PTK7: variants seen among roughly 807,000 people sequenced by gnomAD.
The protein encoded by PTK7 is inactive tyrosine-protein kinase 7.
PTK7 carries 39 observed loss-of-function variants against 116.6 expected under a neutral mutation model. The observed-to-expected ratio is 0.33, with a 90% confidence interval of 0.26 to 0.44. The LOEUF (loss-of-function observed/expected upper bound fraction) is 0.44. PTK7 is among the 20% of genes least tolerant of loss of function. PTK7 has a pLI of 1.00. For synonymous variants in PTK7, 546 were observed against 563.6 expected (o/e 0.97, Z 0.44); for missense variants, 1,169 against 1,425.6 (o/e 0.82, Z 2.90).
intron 1 of PTK7, among the ~76,000 whole-genome samples, chr6:43,084,674 G>A (rs1415041955): frequency 2.0e-5 from 3 of 152,240 alleles, no homozygotes; most frequent in Non-Finnish European, 4.4e-5. Flanking sequence ...AGACAAGATG[G>A]AGAAACGTGA....
In PTK7 at chr6:43,144,522, G is replaced by A. The variant is rs750381359; in HGVS notation, c.2323G>A (p.Gly775Ser). The A allele has an allele frequency of 1.8e-5, 29 of 1,614,036 alleles. No individual in the cohort carries two copies. The highest frequency in any genetic ancestry group is 4.4e-5 in the South Asian group (4 of 91,080). Residue 775 changes from glycine to serine, a missense_variant, in exon 15 of 20, where the codon GGC (glycine) becomes AGC (serine). Physicochemically the swap from Gly to Ser is moderately conservative, Grantham distance 56. Around this residue, in one of 3 missense-constraint regions of PTK7, gnomAD observed 678 missense variants for 853.8 expected, o/e 0.79. Transcript: ENST00000230419. Reference protein sequence around the residue: ...EEVALTSLGSGPAATNKRHST... With the variant: ...EEVALTSLGSSPAATNKRHST... The stretch of plus-strand genomic sequence containing the variant: ...AGTGGCCTTGACCAGCTTGGGCTCC[G>A]GCCCCGCGGCCACCAACAAACGCCA...
At chr6:43,126,963 C>T (rs1300684012) in intron 1 of PTK7, among the ~76,000 whole-genome samples, 1 of 152,180 alleles carries the variant, frequency 6.6e-6, no homozygotes, top group African/African-American at 2.4e-5. Context: ...GGGCTGGCAC[C>T]TATGAGCATG....
At chr6:43,118,950 G>C (rs1436017663) in intron 1 of PTK7, among the ~76,000 whole-genome samples, 1 of 151,358 alleles carries the variant, frequency 6.6e-6, no homozygotes, top group African/African-American at 2.4e-5. Flanking sequence ...TTGTAGAGAT[G>C]GGGTTTCATT....
In PTK7 at chr6:43,142,042, G is replaced by A; in HGVS notation, c.1880G>A (p.Gly627Asp). ...CCCAAGCCGCTGATTCAGTGGAAAG[G>A]CAAGGACCGCATCCTGGACCCCACC... is the stretch of plus-strand genomic sequence containing the variant. ...GDPKPLIQWK[G>D]KDRILDPTKL... is the part of the protein sequence containing the mutation. The change falls in exon 12 of 20, where the codon GGC (glycine) becomes GAC (aspartate). Residue 627 changes from glycine (G) to aspartate (D), a missense_variant. Physicochemically the swap from Gly to Asp is moderately conservative, Grantham distance 94 (BLOSUM62 -1). Transcript: ENST00000230419. The A allele has an allele frequency of 6.2e-7, 1 of 1,613,902 alleles. No homozygotes were observed. The highest frequency in any genetic ancestry group is 8.5e-7 in the Non-Finnish European group (1 of 1,179,966).
rs755260746 is a variant in PTK7 at position 43,132,460 on chromosome 6, C to T, written c.1001C>T (p.Thr334Ile). ...DMPLFEPRVF[T>I]AGSEERVTCL... ...CCGCTATTTGAGCCACGGGTGTTTA[C>T]AGCTGGCAGCGAGGAGCGTGTGACC... is the stretch of plus-strand genomic sequence containing the variant. The change falls in exon 7 of 20, where the codon ACA becomes ATA. Residue 334 changes from threonine (T) to isoleucine (I), a missense_variant. By Grantham distance (89) the Thr-to-Ile change is moderately conservative. Coordinates refer to ENST00000230419, the MANE Select transcript of PTK7 (RefSeq NM_002821.5). The T allele has an allele frequency of 3.1e-6, 5 of 1,593,808 alleles. No individual in the cohort carries two copies. The highest frequency in any genetic ancestry group is 3.4e-5 in the Admixed American group (2 of 59,166).
chr6:43,154,324 C>A (rs78797716), intron 17 of PTK7, among the ~76,000 whole-genome samples: 9,058 of 151,562 alleles, frequency 0.06, 294 homozygotes, highest in Admixed American at 0.089. Context: ...CAACAGGCAC[C>A]CTGTCTCAAA....
At chr6:43,116,058 C>G (rs1768496923) in intron 1 of PTK7, among the ~76,000 whole-genome samples, 1 of 152,088 alleles carries the variant, frequency 6.6e-6, no homozygotes, top group South Asian at 2.1e-4. Flanking sequence ...CACCCTCCAG[C>G]CCCCTCCCTC....
At chr6:43,077,366 A>T (rs892613202) in intron 1 of PTK7, among the ~76,000 whole-genome samples, 2 of 152,170 alleles carry the variant, frequency 1.3e-5, no homozygotes, top group African/African-American at 4.8e-5. Context: ...CTGTCCTCAC[A>T]GAGGAAAGGA....
intron 17 of PTK7, among the ~76,000 whole-genome samples, chr6:43,157,364 A>ATATATATTTTTT (rs70990168): frequency 1.1e-4 from 6 of 54,356 alleles, no homozygotes; most frequent in African/African-American, 2.2e-4. Flanking sequence ...ATATATATAT[A>ATATATATTTTTT]TTTTTTTTTT....
At chr6:43,077,765 A>G (rs1405468293) in intron 1 of PTK7, among the ~76,000 whole-genome samples, 1 of 152,224 alleles carries the variant, frequency 6.6e-6, no homozygotes, top group Non-Finnish European at 1.5e-5. Context: ...TGCCTTTCTA[A>G]TATCTTTCTG....
intron 1 of PTK7, among the ~76,000 whole-genome samples, chr6:43,115,589 A>G (rs138410403): frequency 2.0e-5 from 3 of 152,094 alleles, no homozygotes. Context: ...TCCCAGCCGC[A>G]GAGATGGCTG....
chr6:43,118,675 A>C (rs1372368491), intron 1 of PTK7, among the ~76,000 whole-genome samples: 556 of 115,418 alleles, frequency 4.8e-3, no homozygotes, highest in African/African-American at 0.018. Context: ...ATATATATAT[A>C]TATATATATA....
At chr6:43,144,769 A>G in intron 15 of PTK7, 163 bp downstream of exon 15, 1 of 765,076 alleles carries the variant, frequency 1.3e-6, no homozygotes, top group Non-Finnish European at 2.0e-6. Context: ...AGAGCCTGTT[A>G]TTCACTGCCC....
intron 17 of PTK7, among the ~76,000 whole-genome samples, chr6:43,154,521 T>C (rs1007769987): frequency 3.3e-5 from 5 of 152,240 alleles, no homozygotes; most frequent in African/African-American, 1.2e-4. Flanking sequence ...AATGATGCTC[T>C]TACTAAGTGT....
chr6:43,126,039 G>T (rs1206310014), intron 1 of PTK7, among the ~76,000 whole-genome samples: 3 of 152,080 alleles, frequency 2.0e-5, no homozygotes, highest in African/African-American at 7.2e-5. Flanking sequence ...AGGATTTTGG[G>T]CAGGGCGCCA....
rs1473779016 is a variant in PTK7 at position 43,076,465 on chromosome 6, G to T, written c.-24G>T. 6.5e-7 allele frequency: 1 copy of T among 1,546,940 alleles called. No homozygotes were observed. Among genetic ancestry groups the T allele is most frequent in the Non-Finnish European group, 8.7e-7 (1 of 1,154,756 alleles). On this transcript the variant is annotated 5_prime_UTR_variant, in exon 1 of 20. Transcript: ENST00000230419. This position sits in a 1 kb window ranked among gnomAD's most constrained non-coding sequence, Gnocchi z 5.7. ...TCTGCGCGCCCGCCGTGCGCCCTCA[G>T]CTCCTTTTCCTGAGCCCGCCGCGAT...
chr6:43,157,364 A>ATATATATATATATATATT (rs70990168), intron 17 of PTK7, among the ~76,000 whole-genome samples: 3 of 54,356 alleles, frequency 5.5e-5, no homozygotes, highest in African/African-American at 7.2e-5. Flanking sequence ...ATATATATAT[A>ATATATATATATATATATT]TTTTTTTTTT....
At chr6:43,126,379 G>T (rs1297055567) in intron 1 of PTK7, among the ~76,000 whole-genome samples, 5 of 152,120 alleles carry the variant, frequency 3.3e-5, no homozygotes, top group Non-Finnish European at 5.9e-5. Context: ...AGGCCCACTG[G>T]GGACTCAGTC....
Position 43,076,736 on chromosome 6 carries a change from C to T in PTK7, c.79+169C>T. 3 of 1,377,276 alleles carry T rather than the reference C, an allele frequency of 2.2e-6. No homozygotes were observed. Among genetic ancestry groups the T allele is most frequent in the East Asian group, 2.8e-5 (1 of 35,548 alleles). 85.3% of individuals were successfully genotyped at this position (1,377,276 alleles called of 1,614,324 possible). ...GGAAGGGCGCAAGGAGCCCGGGTGT[C>T]GGGAGGCTGGCGAAGCCTCCAGGGA... On this transcript the variant is annotated intron_variant, in intron 1 of 19. Coordinates refer to ENST00000230419, the MANE Select transcript of PTK7 (RefSeq NM_002821.5). This position sits in a 1 kb window ranked among gnomAD's most constrained non-coding sequence, Gnocchi z 5.7.
Sources: gnomAD v4.1 joint callset for allele counts (sites outside exome capture counted in the v4.1 genomes callset) on GRCh38, gnomAD v4.1.1 for gene constraint, gnomAD v4.1.1 regional missense constraint, Gnocchi (gnomAD v3.1) non-coding constraint, MANE v1.5 for transcripts, NCBI Gene and HGNC (gene_info 2026-07-23, HGNC 2026-07-21) for gene names.